AKR1C3: variants seen among roughly 807,000 people sequenced by gnomAD.
AKR1C3 encodes the protein aldo-keto reductase family 1 member C3.
A neutral mutation model predicts 43.6 loss-of-function variants in AKR1C3; 48 were observed. That is an observed-to-expected ratio of 1.10 (90% CI 0.87 to 1.40). AKR1C3 has a LOEUF of 1.40. Ranked by LOEUF, AKR1C3 falls within the 40% of genes most tolerant of loss-of-function variation. The pLI is 0.00. For missense variants in AKR1C3, 482 were observed against 391.2 expected, an observed-to-expected ratio of 1.23 and a Z score of -1.96; for synonymous variants, 162 against 139.6, an observed-to-expected ratio of 1.16 and a Z score of -1.13.
At chr10:5,101,132 G>A (rs1009627710) in intron 5 of AKR1C3, among the ~76,000 whole-genome samples, 2 of 152,016 alleles carry the variant, frequency 1.3e-5, no homozygotes, top group African/African-American at 2.4e-5. Flanking sequence ...GTCTTTTATA[G>A]TGCTCCCTTT....
chr10:5,053,424 C>T (rs911566740), intron 1 of AKR1C3, among the ~76,000 whole-genome samples: 9 of 152,234 alleles, frequency 5.9e-5, no homozygotes, highest in South Asian at 4.1e-4. Context: ...CATGCCCACC[C>T]GGAACTCGTG....
At chr10:5,073,242 G>A (rs1554781490) in intron 1 of AKR1C3, among the ~76,000 whole-genome samples, 1 of 152,156 alleles carries the variant, frequency 6.6e-6, no homozygotes, top group African/African-American at 2.4e-5. Context: ...GATTACAGGT[G>A]TGAGCCACTG....
At chr10:5,064,944 G>A (rs916538583) in intron 1 of AKR1C3, among the ~76,000 whole-genome samples, 3 of 148,546 alleles carry the variant, frequency 2.0e-5, no homozygotes, top group Non-Finnish European at 4.4e-5. Flanking sequence ...TTAAAAAGTG[G>A]GGAAAATACA....
intron 8 of AKR1C3, 124 bp downstream of exon 8, chr10:5,105,801 C>G: frequency 1.4e-6 from 1 of 731,512 alleles, no homozygotes; most frequent in Non-Finnish European, 2.3e-6. Context: ...GAGACTGGAA[C>G]TCTCCTGCTG....
At chr10:5,076,290 A>C (rs549181867) in intron 1 of AKR1C3, among the ~76,000 whole-genome samples, 1 of 152,288 alleles carries the variant, frequency 6.6e-6, no homozygotes, top group African/African-American at 2.4e-5. Flanking sequence ...TGGGACCTTT[A>C]AGTGATAATT....
At chr10:5,056,383 G>A (rs973983363) in intron 1 of AKR1C3, among the ~76,000 whole-genome samples, 1 of 152,150 alleles carries the variant, frequency 6.6e-6, no homozygotes, top group Non-Finnish European at 1.5e-5. Flanking sequence ...TATAGGGATT[G>A]GGTACAACTG....
chr10:5,071,553 C>T (rs1428654160), intron 1 of AKR1C3, among the ~76,000 whole-genome samples: 1 of 152,204 alleles, frequency 6.6e-6, no homozygotes, highest in Non-Finnish European at 1.5e-5. Flanking sequence ...TCCTCTGAGT[C>T]TCTTTTGAAA....
chr10:5,101,562 G>A (rs1839350817), intron 5 of AKR1C3, among the ~76,000 whole-genome samples: 1 of 152,032 alleles, frequency 6.6e-6, no homozygotes. Flanking sequence ...CTTGCTCTCT[G>A]ATTATCTCAC....
intron 1 of AKR1C3, among the ~76,000 whole-genome samples, chr10:5,079,729 G>C (rs1838793285): frequency 6.6e-6 from 1 of 151,958 alleles, no homozygotes; most frequent in African/African-American, 2.4e-5. Flanking sequence ...CTCCCCGAGA[G>C]ACCCCAAGCC....
intron 1 of AKR1C3, among the ~76,000 whole-genome samples, chr10:5,075,834 AT>A (rs1165176290): frequency 6.6e-6 from 1 of 151,864 alleles, no homozygotes; most frequent in South Asian, 2.1e-4. Flanking sequence ...AGATCATGCC[AT>A]TGCACTCTAG....
At chr10:5,100,615 A>G (rs1361408959) in intron 5 of AKR1C3, among the ~76,000 whole-genome samples, 7 of 152,226 alleles carry the variant, frequency 4.6e-5, no homozygotes, top group Non-Finnish European at 1.0e-4. Flanking sequence ...GCTAATTTAC[A>G]CTTTTTTATT....
intron 1 of AKR1C3, among the ~76,000 whole-genome samples, chr10:5,071,907 T>G (rs1186990182): frequency 2.0e-5 from 3 of 152,232 alleles, no homozygotes; most frequent in African/African-American, 7.2e-5. Context: ...CCCTTTAAAA[T>G]GCTGAGTCAT....
upstream of AKR1C3, among the ~76,000 whole-genome samples, chr10:5,090,742 T>C (rs1554784059): frequency 6.6e-6 from 1 of 152,156 alleles, no homozygotes; most frequent in Non-Finnish European, 1.5e-5. Context: ...TTGGGCAATT[T>C]TCCAATTTCA....
chr10:5,060,692 C>G (rs1029330550), intron 1 of AKR1C3, among the ~76,000 whole-genome samples: 22 of 152,212 alleles, frequency 1.4e-4, no homozygotes, highest in African/African-American at 4.6e-4. Flanking sequence ...TGCCCGCACT[C>G]CTCAGCCCTT....
chr10:5,087,402 T>A (rs1838993701), intron 1 of AKR1C3, among the ~76,000 whole-genome samples: 1 of 148,112 alleles, frequency 6.8e-6, no homozygotes, highest in Admixed American at 6.9e-5. Flanking sequence ...TTTTTGAGGC[T>A]CGCTCTGTTG....
intron 5 of AKR1C3, among the ~76,000 whole-genome samples, chr10:5,100,416 C>T (rs1463240842): frequency 6.6e-6 from 1 of 152,204 alleles, no homozygotes; most frequent in Non-Finnish European, 1.5e-5. Context: ...TAGTCTGCTA[C>T]TTCTCTTTGG....
At chr10:5,056,324 T>A (rs1000449365) in intron 1 of AKR1C3, among the ~76,000 whole-genome samples, 9 of 152,222 alleles carry the variant, frequency 5.9e-5, no homozygotes, top group Middle Eastern at 3.4e-3. Context: ...ATCCTTGAGG[T>A]CCAGAACCAT....
At chr10:5,104,635 T>C (rs1397320651) in intron 7 of AKR1C3, among the ~76,000 whole-genome samples, 1 of 152,180 alleles carries the variant, frequency 6.6e-6, no homozygotes, top group African/African-American at 2.4e-5. Context: ...TAGTCTTTGG[T>C]TGATATTGTA....
intron 1 of AKR1C3, among the ~76,000 whole-genome samples, chr10:5,078,993 T>A (rs1554782113): frequency 1.3e-5 from 2 of 152,164 alleles, no homozygotes; most frequent in African/African-American, 4.8e-5. Flanking sequence ...AACTCCAGTC[T>A]CCTTGTGAGT....
Sources: gnomAD v4.1 joint callset for allele counts (sites outside exome capture counted in the v4.1 genomes callset) on GRCh38, gnomAD v4.1.1 for gene constraint, MANE v1.5 for transcripts, NCBI Gene and HGNC (gene_info 2026-07-23, HGNC 2026-07-21) for gene names.